Variants in ZNF654 observed in about 807,000 individuals in gnomAD.
The protein encoded by ZNF654 is zinc finger protein 654.
Under a neutral mutation model 95.3 loss-of-function variants are expected in ZNF654, and 19 were observed. The ratio of observed to expected loss-of-function variants is 0.20; its 90% CI spans 0.14 to 0.29. The LOEUF (loss-of-function observed/expected upper bound fraction) is 0.29, where lower values mean the gene tolerates loss of function less well. Among genes scored for constraint, ZNF654 ranks in the 10% least tolerant of loss-of-function variants. ZNF654 has a pLI of 1.00. For missense variants in ZNF654, 1,046 were observed against 1,341.0 expected, an observed-to-expected ratio of 0.78 and a Z score of 3.44; for synonymous variants, 413 against 457.9, an observed-to-expected ratio of 0.90 and a Z score of 1.25.
At chr3:88,118,131 T>C (rs1705523175) in intron 3 of ZNF654, among the ~76,000 whole-genome samples, 1 of 152,174 alleles carries the variant, frequency 6.6e-6, no homozygotes, top group African/African-American at 2.4e-5. Context: ...TTAATGAGCC[T>C]GCCCTGACGT....
Position 88,139,881 on chromosome 3 carries a change from T to C in ZNF654, c.2212T>C (p.Tyr738His). 6.2e-7 allele frequency: 1 copy of C among 1,611,002 alleles called. No homozygotes were observed. ...NGTVCHPKDIYATDQEGNFKC... is the reference protein window; with the variant it reads ...NGTVCHPKDIHATDQEGNFKC... ...AACTGTGTGCCATCCAAAAGACATA[T>C]ATGCCACAGATCAAGAAGGAAACTT... Residue 738 changes from tyrosine (Y) to histidine (H), a missense_variant, in exon 8 of 9, where the codon TAT becomes CAT. Tyr to His is a moderately conservative substitution (Grantham distance 83). This residue lies in a region of ZNF654 where 495 missense variants were observed against 537.0 expected (regional missense o/e 0.92). Transcript: ENST00000636215.
chr3:88,120,474 A>G (rs1705699729), intron 3 of ZNF654, among the ~76,000 whole-genome samples: 1 of 152,164 alleles, frequency 6.6e-6, no homozygotes, highest in Admixed American at 6.5e-5. Flanking sequence ...GGTAGTCGAT[A>G]GAGGCCTAGA....
At chr3:88,081,688 C>T (rs1159025877) in intron 1 of ZNF654, among the ~76,000 whole-genome samples, 1 of 152,156 alleles carries the variant, frequency 6.6e-6, no homozygotes, top group Non-Finnish European at 1.5e-5. Flanking sequence ...TTCTCATATC[C>T]TGTTGTTTTT....
In ZNF654 at chr3:88,126,134, G is replaced by T; in HGVS notation, c.415G>T (p.Glu139Ter). The T allele has an allele frequency of 6.7e-7, 1 of 1,502,000 alleles. No individual in the cohort carries two copies. The highest frequency in any genetic ancestry group is 1.3e-5 in the South Asian group (1 of 79,052). 93.0% of individuals were successfully genotyped at this position (1,502,000 alleles called of 1,614,324 possible). ...PLKDILGSFQ[E>*]CQNHLRRYGN... is the part of the protein sequence containing the mutation. ...AGCCAAAATGATTTTTCTCTCCTAGGAATGCCAGAATCACCTCCGCAGATA... is the reference window on the plus strand; with the variant it reads ...AGCCAAAATGATTTTTCTCTCCTAGTAATGCCAGAATCACCTCCGCAGATA... Residue 139 changes from glutamate to a stop codon, truncating the protein, a stop_gained and splice_region_variant, in exon 4 of 9, where the codon GAA becomes TAA. Coordinates refer to ENST00000636215, the MANE Select transcript of ZNF654 (RefSeq NM_001350134.2). LOFTEE classifies it high-confidence loss of function.
chr3:88,070,575 T>G (rs1462846496), intron 1 of ZNF654, among the ~76,000 whole-genome samples: 2 of 21,120 alleles, frequency 9.5e-5, no homozygotes, highest in Non-Finnish European at 9.9e-4. Context: ...TTTTTTTTTT[T>G]TTTTTTTTTT....
intron 1 of ZNF654, among the ~76,000 whole-genome samples, chr3:88,066,750 G>T (rs1707222966): frequency 6.6e-6 from 1 of 152,028 alleles, no homozygotes. Flanking sequence ...GAATTTTCTT[G>T]CTTTCCTGCC....
chr3:88,129,164 C>G (rs1219348981), intron 5 of ZNF654, 153 bp downstream of exon 5: 1 of 582,968 alleles, frequency 1.7e-6, no homozygotes, highest in Non-Finnish European at 2.9e-6. Context: ...TCTTTTGGCA[C>G]CATAACTTAA....
At chr3:88,101,802 T>A (rs1262357776) in intron 2 of ZNF654, among the ~76,000 whole-genome samples, 1 of 152,184 alleles carries the variant, frequency 6.6e-6, no homozygotes. Context: ...GGGGTAGCAG[T>A]TTCTTTACAT....
chr3:88,108,518 A>G (rs1704885317), intron 2 of ZNF654, among the ~76,000 whole-genome samples: 1 of 152,218 alleles, frequency 6.6e-6, no homozygotes, highest in Admixed American at 6.5e-5. Context: ...AGAATATTCC[A>G]GAAATAATAC....
chr3:88,068,759 A>G (rs1463620825), intron 1 of ZNF654, among the ~76,000 whole-genome samples: 3 of 152,152 alleles, frequency 2.0e-5, no homozygotes, highest in African/African-American at 7.2e-5. Flanking sequence ...GCTATGTGCC[A>G]TTATTCTCAT....
At chr3:88,070,548 A>G (rs1233757749) in intron 1 of ZNF654, among the ~76,000 whole-genome samples, 1 of 149,422 alleles carries the variant, frequency 6.7e-6, no homozygotes, top group Admixed American at 6.7e-5. Flanking sequence ...CACTGTGGCA[A>G]AGGCAACACT....
At position 88,114,047 on chromosome 3, in the gene ZNF654, A is replaced by G. The variant is rs577383338; in HGVS notation, c.414+851A>G. ...TCCATTCTTAAACTTTTACTTGGCA[A>G]ATGTTTATTGAGTCCCCACAGTGTG... On this transcript the variant is annotated intron_variant, in intron 3 of 8. Transcript: ENST00000636215. 1.7e-4 allele frequency among the ~76,000 whole-genome samples: 26 copies of G among 152,282 alleles called. No individual in the cohort carries two copies. In the South Asian group the frequency reaches 3.9e-3, roughly 23 times the overall value.
rs962346259 is a variant in ZNF654 at position 88,143,488 on chromosome 3, TAAA to T, written c.*1839_*1841del. 4 of 152,326 alleles carry T rather than the reference TAAA, an allele frequency of 2.6e-5. No individual in the cohort carries two copies. The highest frequency in any genetic ancestry group is 9.7e-5 in the African/African-American group (4 of 41,438). The allele number at this position is 152,326 out of a possible 1,614,324, so 9.4% of individuals were successfully genotyped here. On this transcript the variant is annotated 3_prime_UTR_variant, in exon 9 of 9. Coordinates refer to ENST00000636215, the MANE Select transcript of ZNF654 (RefSeq NM_001350134.2). Reference sequence around the variant, plus strand: ...TTCATTCTAAAAGTATGTCTTGTAATAAAAAGTCTGTTTGGAAACTGGTTCATT... The same window carrying T: ...TTCATTCTAAAAGTATGTCTTGTAATAAGTCTGTTTGGAAACTGGTTCATT...
chr3:88,084,137 TTG>T (rs1323065070), intron 1 of ZNF654, among the ~76,000 whole-genome samples: 1 of 152,154 alleles, frequency 6.6e-6, no homozygotes, highest in East Asian at 1.9e-4. Flanking sequence ...AGGACTTTTA[TTG>T]TGTTAGGTTT....
intron 4 of ZNF654, among the ~76,000 whole-genome samples, chr3:88,128,534 G>GA (rs1022432412): frequency 3.3e-5 from 5 of 151,654 alleles, no homozygotes; most frequent in African/African-American, 9.7e-5. Flanking sequence ...ACTGAAAGAA[G>GA]AAAAAAAATT....
chr3:88,059,730 C>A (rs1041300367), intron 1 of ZNF654, among the ~76,000 whole-genome samples: 8 of 151,910 alleles, frequency 5.3e-5, no homozygotes, highest in African/African-American at 1.9e-4. Context: ...GTGAGTTTGT[C>A]GGGGATGGAG....
chr3:88,135,064 G>A lies in ZNF654; in HGVS notation c.897G>A (p.Glu299=). The A allele has an allele frequency of 2.1e-6, 3 of 1,408,830 alleles. No individual in the cohort carries two copies. Among genetic ancestry groups the A allele is most frequent in the Non-Finnish European group, 2.8e-6 (3 of 1,087,466 alleles). 87.3% of individuals were successfully genotyped at this position (1,408,830 alleles called of 1,614,324 possible). A position where few individuals can be genotyped will look rare whatever the true frequency, so the allele number is the denominator to read the frequency against. The change falls in exon 7 of 9, where the codon GAG becomes GAA. Residue 299 remains glutamate, a synonymous_variant. Transcript: ENST00000636215. ...LQNGDMYCIW[E]LIFIWSKLQL... is the part of the protein sequence containing the mutation. ...TCTCTTTTTTTCTCATTTACAGGGA[G>A]TTGATTTTCATATGGAGTAAACTAC...
At chr3:88,099,332 C>G (rs1704259062) in intron 2 of ZNF654, among the ~76,000 whole-genome samples, 2 of 152,040 alleles carry the variant, frequency 1.3e-5, no homozygotes, top group East Asian at 3.9e-4. Context: ...AAAGAGGTCA[C>G]AAACAAATGG....
intron 3 of ZNF654, among the ~76,000 whole-genome samples, chr3:88,114,387 G>T (rs1178611598): frequency 6.6e-6 from 1 of 152,120 alleles, no homozygotes; most frequent in East Asian, 1.9e-4. Flanking sequence ...CACTTTAAAT[G>T]TATGAAAAAC....
Sources: gnomAD v4.1 joint callset for allele counts (sites outside exome capture counted in the v4.1 genomes callset) on GRCh38, gnomAD v4.1.1 for gene constraint, gnomAD v4.1.1 regional missense constraint, MANE v1.5 for transcripts, NCBI Gene and HGNC (gene_info 2026-07-23, HGNC 2026-07-21) for gene names.